The following MS4A7 variants were observed in gnomAD, a reference collection of about 807,000 sequenced individuals.
MS4A7 encodes the protein membrane-spanning 4-domains subfamily A member 7.
MS4A7 carries 21 observed loss-of-function variants against 23.5 expected under a neutral mutation model. The observed-to-expected ratio is 0.89, with a 90% CI of 0.63 to 1.29. MS4A7 has a LOEUF of 1.29. Among genes scored for constraint, MS4A7 ranks in the 50% most tolerant of loss-of-function variants. The pLI, the probability that MS4A7 is intolerant of heterozygous loss-of-function variation, is 0.00. For synonymous variants in MS4A7, 111 were observed against 107.4 expected, an observed-to-expected ratio of 1.03 and a Z score of -0.21; for missense variants, 263 against 274.2, an observed-to-expected ratio of 0.96 and a Z score of 0.29.
chr11:60,381,703 C>A (rs188711383), intron 1 of MS4A7, among the ~76,000 whole-genome samples: 1 of 152,290 alleles, frequency 6.6e-6, no homozygotes, highest in African/African-American at 2.4e-5. Flanking sequence ...CACATGCCTC[C>A]CCCTATGCTG....
chr11:60,387,032 T>C (rs1172538739), intron 4 of MS4A7, among the ~76,000 whole-genome samples: 1 of 152,224 alleles, frequency 6.6e-6, no homozygotes, highest in Non-Finnish European at 1.5e-5. Context: ...TTTACCTCAG[T>C]TATTTAAAAA....
chr11:60,385,003 C>A, intron 2 of MS4A7, 85 bp from the exon 3 acceptor site: 3 of 1,265,882 alleles, frequency 2.4e-6, no homozygotes, highest in South Asian at 1.4e-5. Flanking sequence ...GTATTTTATA[C>A]TCTTTATACT....
intron 2 of MS4A7, 183 bp downstream of exon 2, chr11:60,383,471 A>T (rs2085451620): frequency 2.2e-6 from 1 of 454,320 alleles, no homozygotes; most frequent in Non-Finnish European, 3.7e-6. Flanking sequence ...TCTAGAAACT[A>T]AAACCACTAG....
chr11:60,393,454 G>T (rs1481025105), intron 6 of MS4A7, among the ~76,000 whole-genome samples: 1 of 151,996 alleles, frequency 6.6e-6, no homozygotes, highest in African/African-American at 2.4e-5. Context: ...TCTCTGTCCT[G>T]TTTATGCTTC....
intron 3 of MS4A7, 32 bp from the exon 4 acceptor site, chr11:60,386,685 C>G: frequency 6.3e-7 from 1 of 1,579,178 alleles, no homozygotes; most frequent in Non-Finnish European, 8.7e-7. Context: ...CACAAGACAA[C>G]TGAACTGATC....
intron 1 of MS4A7, among the ~76,000 whole-genome samples, chr11:60,381,029 C>T (rs1229850570): frequency 6.6e-6 from 1 of 152,178 alleles, no homozygotes; most frequent in Non-Finnish European, 1.5e-5. Context: ...AGTTCAGCAC[C>T]CATCTCTGAG....
rs181969791 is a variant in MS4A7 at position 60,385,085 on chromosome 11, T to G, written c.148-3T>G. On this transcript the variant is annotated splice_polypyrimidine_tract_variant and splice_region_variant and intron_variant, in intron 2 of 6. Coordinates refer to ENST00000300184, the MANE Select transcript of MS4A7 (RefSeq NM_021201.5). ...TCTAGATTTCCTGTCTTCTCTCTTGTAGACTGTCCAGATCCTGTGTTGCCT... is the reference window on the plus strand; with the variant it reads ...TCTAGATTTCCTGTCTTCTCTCTTGGAGACTGTCCAGATCCTGTGTTGCCT... The G allele has an allele frequency of 4.8e-5, 77 of 1,613,702 alleles. No individual in the cohort carries two copies. In the African/African-American group the frequency reaches 8.4e-4, roughly 18 times the overall value.
intron 5 of MS4A7, 92 bp downstream of exon 5, chr11:60,389,688 C>T (rs1391158257): frequency 7.9e-6 from 10 of 1,260,420 alleles, no homozygotes; most frequent in Admixed American, 5.1e-5. Flanking sequence ...TCTGGTTGGT[C>T]GGTCCGAATG....
At chr11:60,391,952 GAA>G (rs3042727) in intron 5 of MS4A7, among the ~76,000 whole-genome samples, 102,517 of 137,478 alleles carry the variant, frequency 0.75, 37,751 homozygotes, top group Middle Eastern at 0.84. Flanking sequence ...AACCAAAATG[GAA>G]AAAAAAAAAA....
intron 4 of MS4A7, among the ~76,000 whole-genome samples, chr11:60,387,552 G>GA (rs1015935909): frequency 6.6e-5 from 10 of 151,834 alleles, no homozygotes; most frequent in East Asian, 1.9e-4. Flanking sequence ...GGATGTTTGA[G>GA]AAAAAAAATC....
chr11:60,383,185 C>T lies in MS4A7; in HGVS notation c.44C>T (p.Thr15Ile). ...ACCATGGGGGTTTCTCACAGCTTTA[C>T]ACCAAAGGGCATCACTATCCCTCAA... ...SQTMGVSHSFTPKGITIPQRE... is the reference protein window; with the variant it reads ...SQTMGVSHSFIPKGITIPQRE... Residue 15 changes from threonine (T) to isoleucine (I), a missense_variant, in exon 2 of 7, where the codon ACA becomes ATA. Thr to Ile is a moderately conservative substitution (Grantham distance 89, BLOSUM62 -1). Transcript: ENST00000300184. 4 of 1,614,156 alleles carry T rather than the reference C, an allele frequency of 2.5e-6. No individual in the cohort carries two copies. The highest frequency in any genetic ancestry group is 2.2e-5 in the South Asian group (2 of 91,078).
rs377488988 is a variant in MS4A7, at chr11:60,393,868, C to T, written c.*7C>T. On this transcript the variant is annotated 3_prime_UTR_variant, in exon 7 of 7. Transcript: ENST00000300184. The stretch of plus-strand genomic sequence containing the variant: ...TTCACGGTCTTGGATATAAGTAACT[C>T]TTGGCCTCAGAGGAAGGAAAAGCAA... The T allele has an allele frequency of 6.3e-7, 1 of 1,595,014 alleles. No individual in the cohort carries two copies. The highest frequency in any genetic ancestry group is 1.4e-5 in the African/African-American group (1 of 73,654).
chr11:60,383,368 G>A (rs1444164207), intron 2 of MS4A7, 80 bp downstream of exon 2: 2 of 1,515,390 alleles, frequency 1.3e-6, no homozygotes, highest in Non-Finnish European at 1.8e-6. Context: ...CAGTGGGTCT[G>A]GGAAACTCTT....
intron 5 of MS4A7, among the ~76,000 whole-genome samples, chr11:60,391,952 GAAAA>G (rs3042727): frequency 7.3e-6 from 1 of 137,592 alleles, no homozygotes; most frequent in Non-Finnish European, 1.5e-5. Context: ...AACCAAAATG[GAAAA>G]AAAAAAAAAG....
chr11:60,389,119 T>C, intron 4 of MS4A7: 1 of 411,138 alleles, frequency 2.4e-6, no homozygotes, highest in Non-Finnish European at 4.4e-6. Context: ...CTATCTTGAG[T>C]GCTATAGAGA....
chr11:60,393,975 A>T lies in MS4A7; in HGVS notation c.*114A>T. 1 of 590,978 alleles carries T rather than the reference A, an allele frequency of 1.7e-6. No individual in the cohort carries two copies. The highest frequency in any genetic ancestry group is 2.8e-6 in the Non-Finnish European group (1 of 357,466). The allele number at this position is 590,978 out of a possible 1,614,324, so 36.6% of individuals were successfully genotyped here. A position where few individuals can be genotyped will look rare whatever the true frequency, so the allele number is the denominator to read the frequency against. On this transcript the variant is annotated 3_prime_UTR_variant, in exon 7 of 7. Transcript: ENST00000300184. Reference sequence around the variant, plus strand: ...TACTGTGAAACAAACTAAAAAAAAAAAAGCTTTTGTTTTGTATTTGTTTAC... The same window carrying T: ...TACTGTGAAACAAACTAAAAAAAAATAAGCTTTTGTTTTGTATTTGTTTAC...
At chr11:60,385,060 T>A (rs774783962) in intron 2 of MS4A7, 28 bp from the exon 3 acceptor site, 1 of 1,607,246 alleles carries the variant, frequency 6.2e-7, no homozygotes, top group Non-Finnish European at 8.5e-7. Context: ...TGAAGTGCAG[T>A]CTAGATTTCC....
Position 60,393,964 on chromosome 11 carries a change from CT to C in MS4A7, c.*104del. On this transcript the variant is annotated 3_prime_UTR_variant, in exon 7 of 7. Coordinates refer to ENST00000300184, the MANE Select transcript of MS4A7 (RefSeq NM_021201.5). Reference sequence around the variant, plus strand: ...GCCATTTTAGATACTGTGAAACAAACTAAAAAAAAAAAAGCTTTTGTTTTGT... The same window carrying C: ...GCCATTTTAGATACTGTGAAACAAACAAAAAAAAAAAAGCTTTTGTTTTGT... 1 of 590,984 alleles carries C rather than the reference CT, an allele frequency of 1.7e-6. No individual in the cohort carries two copies. The allele number at this position is 590,984 out of a possible 1,614,324, so 36.6% of individuals were successfully genotyped here. A position where few individuals can be genotyped will look rare whatever the true frequency, so the allele number is the denominator to read the frequency against.
intron 6 of MS4A7, among the ~76,000 whole-genome samples, chr11:60,393,545 CAAAAG>C: frequency 6.6e-6 from 1 of 152,194 alleles, no homozygotes; most frequent in East Asian, 1.9e-4. Context: ...GCTACAACAA[CAAAAG>C]AAATGTTTAT....
Sources: allele counts gnomAD v4.1 joint callset (sites outside exome capture counted in the v4.1 genomes callset), GRCh38; gene constraint gnomAD v4.1.1; transcripts MANE v1.5; gene names NCBI Gene and HGNC (gene_info 2026-07-23, HGNC 2026-07-21).